STK38: variants seen among roughly 807,000 people sequenced by gnomAD.
STK38 encodes serine/threonine kinase 38, also known as serine/threonine-protein kinase 38.
Under a neutral mutation model 59.0 loss-of-function variants are expected in STK38, and 26 were observed. The ratio of observed to expected loss-of-function variants is 0.44; its 90% confidence interval spans 0.32 to 0.61. STK38 has a LOEUF of 0.61. Ranked by LOEUF, STK38 falls within the 20% of genes least tolerant of loss-of-function variation. The pLI, the probability that STK38 is intolerant of heterozygous loss-of-function variation, is 0.04. For missense variants in STK38, 433 were observed against 566.0 expected (o/e 0.76, Z 2.38); for synonymous variants, 175 against 176.6 (o/e 0.99, Z 0.07).
At chr6:36,515,518 C>CCCCACACACACA in intron 6 of STK38, 26 bp from the exon 7 acceptor site, 1 of 1,537,648 alleles carries the variant, frequency 6.5e-7, no homozygotes, top group Non-Finnish European at 8.8e-7. Flanking sequence ...TACAAAGCCA[C>CCCCACACACACA]CACACACACA....
intron 7 of STK38, 150 bp downstream of exon 7, chr6:36,515,188 A>G (rs1759418179): frequency 3.7e-6 from 3 of 804,402 alleles, no homozygotes; most frequent in Non-Finnish European, 1.9e-6. Context: ...AGGAAGTGAC[A>G]GCAAACTTAC....
At position 36,517,826 on chromosome 6, in the gene STK38, A is replaced by G; in HGVS notation, c.405T>C (p.Arg135=). 1 of 1,614,006 alleles carries G rather than the reference A, an allele frequency of 6.2e-7. No homozygotes were observed. The highest frequency in any genetic ancestry group is 8.5e-7 in the Non-Finnish European group (1 of 1,179,908). ...CCTCCACTAGAATGTCACGCTCCGC[A>G]CGAATGTGGCCAACCTGGAGGTATA... The part of the protein sequence containing the change: ...MLEKEQVGHI[R]AERDILVEAD... The change falls in exon 6 of 14, where the codon CGT becomes CGC. Residue 135 remains arginine, a synonymous_variant. Coordinates refer to ENST00000229812, the MANE Select transcript of STK38 (RefSeq NM_007271.4).
At chr6:36,518,057 G>C (rs1478524661) in intron 5 of STK38, among the ~76,000 whole-genome samples, 1 of 152,102 alleles carries the variant, frequency 6.6e-6, no homozygotes, top group Non-Finnish European at 1.5e-5. Context: ...GTGATGAAAG[G>C]CTTTAAAAAA....
intron 6 of STK38, 127 bp from the exon 7 acceptor site, chr6:36,515,619 A>T: frequency 6.7e-7 from 1 of 1,496,080 alleles, no homozygotes; most frequent in Non-Finnish European, 8.9e-7. Context: ...AGGCGGCTAA[A>T]CAGACCTCTT....
At chr6:36,536,916 T>C (rs568410826) in intron 2 of STK38, among the ~76,000 whole-genome samples, 56 of 145,006 alleles carry the variant, frequency 3.9e-4, no homozygotes, top group South Asian at 1.5e-3. Flanking sequence ...AAAAAAAAAA[T>C]GCCAAATTTT....
intron 7 of STK38, among the ~76,000 whole-genome samples, chr6:36,511,464 C>A (rs1391230739): frequency 6.6e-6 from 1 of 151,802 alleles, no homozygotes; most frequent in African/African-American, 2.4e-5. Context: ...TCAAGAAATT[C>A]TCTGCCTCAG....
intron 7 of STK38, among the ~76,000 whole-genome samples, chr6:36,514,848 CAAAAAAAAA>C (rs58614183): frequency 2.6e-5 from 2 of 77,706 alleles, no homozygotes; most frequent in South Asian, 4.9e-4. Flanking sequence ...GACTTCATCT[CAAAAAAAAA>C]AAAAAAAAAA....
intron 12 of STK38, among the ~76,000 whole-genome samples, chr6:36,497,205 AC>A (rs1776725435): frequency 6.6e-6 from 1 of 152,238 alleles, no homozygotes; most frequent in Non-Finnish European, 1.5e-5. Flanking sequence ...GTAAAAAATC[AC>A]AAGCAGCAAA....
chr6:36,523,699 C>T (rs1777440453), intron 4 of STK38, among the ~76,000 whole-genome samples: 1 of 152,202 alleles, frequency 6.6e-6, no homozygotes. Context: ...ACAGATTGCT[C>T]TTGTGCCCAA....
At position 36,504,919 on chromosome 6, in the gene STK38, A is replaced by G. The variant is rs677593; in HGVS notation, c.834+1664T>C. 6.5e-4 allele frequency among the ~76,000 whole-genome samples: 98 copies of G among 149,766 alleles called. No homozygotes were observed. The East Asian group carries it at 0.012, about 18-fold the overall frequency. ...CCTCCAAAAAAAAAAAAAAAAAAAA[A>G]AAAGAAAGAAAGAAAAGAAAGGAAA... On this transcript the variant is annotated intron_variant, in intron 9 of 13. Transcript: ENST00000229812.
intron 1 of STK38, among the ~76,000 whole-genome samples, chr6:36,544,971 T>C (rs1778024841): frequency 6.6e-6 from 1 of 152,164 alleles, no homozygotes; most frequent in African/African-American, 2.4e-5. Context: ...AGTAAGTTAA[T>C]GATTTTTAGT....
chr6:36,528,084 C>T (rs1344860459), intron 2 of STK38, among the ~76,000 whole-genome samples: 6 of 150,556 alleles, frequency 4.0e-5, no homozygotes, highest in South Asian at 4.2e-4. Flanking sequence ...ACTCTAGCCT[C>T]GGTAACAGAG....
intron 7 of STK38, among the ~76,000 whole-genome samples, chr6:36,511,830 A>G (rs73413258): frequency 0.24 from 35,880 of 151,296 alleles, 4,470 homozygotes; most frequent in East Asian, 0.39. Context: ...AGGCCGAGGC[A>G]GGTGGATCAC....
chr6:36,528,108 C>CAA (rs879777510), intron 2 of STK38, among the ~76,000 whole-genome samples: 2 of 132,462 alleles, frequency 1.5e-5, no homozygotes, highest in African/African-American at 2.8e-5. Context: ...GACTCCATCT[C>CAA]AAAAAAAAAA....
At chr6:36,510,876 T>C (rs1419898585) in intron 7 of STK38, among the ~76,000 whole-genome samples, 2 of 152,204 alleles carry the variant, frequency 1.3e-5, no homozygotes, top group Non-Finnish European at 1.5e-5. Context: ...TTATCTCATC[T>C]GGAAAATGAG....
chr6:36,544,169 C>T (rs927591490), intron 1 of STK38, among the ~76,000 whole-genome samples: 2 of 152,116 alleles, frequency 1.3e-5, no homozygotes, highest in African/African-American at 4.8e-5. Flanking sequence ...GAGAGTCAAA[C>T]ATTTTGATTC....
At chr6:36,517,694 A>C (rs983726818) in intron 6 of STK38, 23 bp downstream of exon 6, 21 of 1,607,910 alleles carry the variant, frequency 1.3e-5, no homozygotes, top group Non-Finnish European at 1.5e-5. Flanking sequence ...AGAAAAAATG[A>C]CCTTTCATCG....
chr6:36,525,709 CTT>C, intron 2 of STK38, 67 bp from the exon 3 acceptor site: 2 of 1,312,474 alleles, frequency 1.5e-6, no homozygotes, highest in South Asian at 1.2e-5. Flanking sequence ...AATTCTGTAA[CTT>C]AATACTGTAG....
intron 7 of STK38, 139 bp from the exon 8 acceptor site, chr6:36,507,741 T>C (rs978486930): frequency 1.4e-5 from 8 of 572,408 alleles, no homozygotes; most frequent in African/African-American, 1.3e-4. Flanking sequence ...GGAAAAATCA[T>C]GTAATTGCAG....
Sources: allele counts gnomAD v4.1 joint callset (sites outside exome capture counted in the v4.1 genomes callset), GRCh38; gene constraint gnomAD v4.1.1; transcripts MANE v1.5; gene names NCBI Gene and HGNC (gene_info 2026-07-23, HGNC 2026-07-21).